KLF8: variants seen among roughly 807,000 people sequenced by gnomAD.
KLF8 encodes Krueppel-like factor 8.
A neutral mutation model predicts 18.2 loss-of-function variants in KLF8; 10 were observed. The observed-to-expected ratio is 0.55, with a 90% CI of 0.34 to 0.93. KLF8 has a LOEUF of 0.93. Ranked by LOEUF, KLF8 falls within the 40% of genes least tolerant of loss-of-function variation. The pLI is 0.02. For missense variants in KLF8, 264 were observed against 277.9 expected, an observed-to-expected ratio of 0.95 and a Z score of 0.36; for synonymous variants, 109 against 97.3, an observed-to-expected ratio of 1.12 and a Z score of -0.71.
chrX:56,067,508 G>A, the KLF8 span, among the ~76,000 whole-genome samples: 1 of 111,100 alleles, frequency 9.0e-6, no homozygotes, highest in Non-Finnish European at 1.9e-5. Flanking sequence ...AAGGGCTAGT[G>A]AGCACTAACT....
the KLF8 span, among the ~76,000 whole-genome samples, chrX:56,173,717 C>A: frequency 8.9e-6 from 1 of 111,784 alleles, no homozygotes; most frequent in African/African-American, 3.2e-5. Context: ...GATATTGATT[C>A]TTCCTACCCA....
the KLF8 span, among the ~76,000 whole-genome samples, chrX:56,104,411 C>G: frequency 1.3e-3 from 144 of 111,444 alleles, 1 homozygote; most frequent in African/African-American, 4.6e-3. Context: ...TTGGTCTATT[C>G]AGAGATTCAG....
At chrX:56,207,941 T>A in the KLF8 span, among the ~76,000 whole-genome samples, 5 of 110,970 alleles carry the variant, frequency 4.5e-5, no homozygotes, top group East Asian at 1.4e-3. Flanking sequence ...AGCCTCACAA[T>A]CATGGCAGAA....
At chrX:56,103,989 G>A in the KLF8 span, among the ~76,000 whole-genome samples, 58 of 111,471 alleles carry the variant, frequency 5.2e-4, no homozygotes, top group Non-Finnish European at 9.0e-4. Flanking sequence ...TTTGTCTTTG[G>A]TTCTGTTTAT....
chrX:56,048,835 T>A, the KLF8 span, among the ~76,000 whole-genome samples: 2 of 111,828 alleles, frequency 1.8e-5, no homozygotes, highest in African/African-American at 6.5e-5. Context: ...GGGGTTGGCA[T>A]TGAATCTTTA....
At chrX:56,067,248 T>A in the KLF8 span, among the ~76,000 whole-genome samples, 12 of 105,018 alleles carry the variant, frequency 1.1e-4, 1 homozygote, top group Non-Finnish European at 2.4e-4. Context: ...ATGCCTCTAG[T>A]CAGCCATCTT....
chrX:55,958,299 A>G, the KLF8 span, among the ~76,000 whole-genome samples: 2 of 112,218 alleles, frequency 1.8e-5, no homozygotes, highest in East Asian at 5.6e-4. Flanking sequence ...TAACTTGCTC[A>G]TTATTTCCTT....
At chrX:56,172,739 C>T in the KLF8 span, among the ~76,000 whole-genome samples, 1 of 111,847 alleles carries the variant, frequency 8.9e-6, no homozygotes, top group Non-Finnish European at 1.9e-5. Context: ...AAAAGTGTTC[C>T]TATTTCTCCA....
chrX:56,015,781 G>A, the KLF8 span, among the ~76,000 whole-genome samples: 1 of 111,696 alleles, frequency 9.0e-6, no homozygotes, highest in Non-Finnish European at 1.9e-5. Flanking sequence ...ATCAATGGTG[G>A]TGTAGAGAAG....
the KLF8 span, among the ~76,000 whole-genome samples, chrX:55,968,355 T>C: frequency 8.9e-6 from 1 of 112,068 alleles, no homozygotes. Flanking sequence ...ACAAGAAATA[T>C]ACTTCTCCTA....
the KLF8 span, among the ~76,000 whole-genome samples, chrX:56,076,247 G>A: frequency 0.011 from 1,170 of 104,760 alleles, 26 homozygotes; most frequent in African/African-American, 0.039. Context: ...CCACTAACTC[G>A]TCATCTAACA....
At chrX:56,132,328 A>G in the KLF8 span, among the ~76,000 whole-genome samples, 1 of 111,643 alleles carries the variant, frequency 9.0e-6, no homozygotes, top group South Asian at 3.7e-4. Context: ...ATCAACTCCA[A>G]AGGAACCTTC....
chrX:55,956,597 A>G, the KLF8 span, among the ~76,000 whole-genome samples: 1 of 111,486 alleles, frequency 9.0e-6, no homozygotes, highest in African/African-American at 3.3e-5. Context: ...TTGATAGTAG[A>G]TATTTTAATA....
chrX:56,198,156 G>A, the KLF8 span, among the ~76,000 whole-genome samples: 6 of 112,020 alleles, frequency 5.4e-5, no homozygotes, highest in Non-Finnish European at 9.4e-5. Context: ...AAAACTGGAA[G>A]CATTCCCTTT....
At chrX:56,037,831 A>T in the KLF8 span, among the ~76,000 whole-genome samples, 2 of 111,822 alleles carry the variant, frequency 1.8e-5, no homozygotes, top group Non-Finnish European at 3.8e-5. Flanking sequence ...CAATAACACC[A>T]TTGGACACAG....
intron 1 of KLF8, among the ~76,000 whole-genome samples, chrX:56,249,374 T>C (rs1005817682): frequency 1.4e-4 from 16 of 112,413 alleles, no homozygotes; most frequent in African/African-American, 5.2e-4. Context: ...TGAAACTCTG[T>C]GATTGGCGCA....
intron 1 of KLF8, among the ~76,000 whole-genome samples, chrX:56,241,054 G>A (rs761706280): frequency 8.9e-6 from 1 of 112,287 alleles, no homozygotes; most frequent in Admixed American, 9.5e-5. Flanking sequence ...TATACATTGA[G>A]GTAGGGGGAG....
At chrX:56,131,292 C>T in the KLF8 span, among the ~76,000 whole-genome samples, 1 of 112,106 alleles carries the variant, frequency 8.9e-6, no homozygotes, top group East Asian at 2.8e-4. Flanking sequence ...GCAGATTTCT[C>T]AGCAGAAACC....
the KLF8 span, among the ~76,000 whole-genome samples, chrX:56,115,120 A>AT: frequency 1.8e-5 from 2 of 110,747 alleles, no homozygotes; most frequent in African/African-American, 6.5e-5. Context: ...TTATTTATTT[A>AT]TTTATTTTTT....
Sources: gnomAD v4.1 joint callset for allele counts (sites outside exome capture counted in the v4.1 genomes callset) on GRCh38, gnomAD v4.1.1 for gene constraint, MANE v1.5 for transcripts, NCBI Gene and HGNC (gene_info 2026-07-23, HGNC 2026-07-21) for gene names.